DCAKD: variants seen among roughly 807,000 people sequenced by gnomAD.
DCAKD encodes dephospho-CoA kinase domain containing.
DCAKD carries 15 observed loss-of-function variants against 18.7 expected under a neutral mutation model. The ratio of observed to expected loss-of-function variants is 0.80; its 90% CI spans 0.54 to 1.24. The LOEUF is 1.24. Among genes scored for constraint, DCAKD ranks in the 50% most tolerant of loss-of-function variants. DCAKD has a pLI of 0.00. For missense variants in DCAKD, 301 were observed against 322.0 expected (o/e 0.93, Z 0.50); for synonymous variants, 130 against 133.0 (o/e 0.98, Z 0.16).
intron 3 of DCAKD, among the ~76,000 whole-genome samples, chr17:45,033,181 A>AAAAATAAAATAAAATAAAAT (rs10628158): frequency 6.6e-6 from 1 of 150,982 alleles, no homozygotes; most frequent in South Asian, 2.1e-4. Flanking sequence ...CCCCATCTCT[A>AAAAATAAAATAAAATAAAAT]AAAATAAAAT....
At chr17:45,037,789 CAG>C (rs1319209397) in intron 1 of DCAKD, among the ~76,000 whole-genome samples, 5 of 130,154 alleles carry the variant, frequency 3.8e-5, no homozygotes, top group Non-Finnish European at 6.4e-5. Context: ...TTTTTTGAGA[CAG>C]AGTCTCACTC....
Position 45,051,553 on chromosome 17 carries a change from C to G in DCAKD, c.-307G>C, listed in dbSNP as rs1318675977. ...CCGGCCCGCGTGGCGCGCTACGTAC[C>G]CAGCGCCTCCGCCGTGGCCCAGGCC... On this transcript the variant is annotated 5_prime_UTR_variant, in exon 1 of 5. Coordinates refer to ENST00000651974, the MANE Select transcript of DCAKD (RefSeq NM_001288655.2). The G allele has an allele frequency of 6.6e-6, 1 of 151,448 alleles. No homozygotes were observed. The highest frequency in any genetic ancestry group is 1.5e-5 in the Non-Finnish European group (1 of 67,830). 9.4% of individuals were successfully genotyped at this position (151,448 alleles called of 1,614,324 possible). A position where few individuals can be genotyped will look rare whatever the true frequency, so the allele number is the denominator to read the frequency against.
intron 1 of DCAKD, among the ~76,000 whole-genome samples, chr17:45,038,580 A>G (rs1045021937): frequency 6.6e-6 from 1 of 152,244 alleles, no homozygotes; most frequent in African/African-American, 2.4e-5. Context: ...AAATCGATTC[A>G]GAGCCAAAGA....
upstream of DCAKD, among the ~76,000 whole-genome samples, chr17:45,055,099 A>G (rs2053766832): frequency 6.6e-6 from 1 of 152,144 alleles, no homozygotes; most frequent in South Asian, 2.1e-4. Context: ...TGGAGTTTCC[A>G]TGTGATGCCA....
intron 2 of DCAKD, 101 bp downstream of exon 2, chr17:45,034,673 C>G: frequency 7.9e-7 from 1 of 1,269,592 alleles, no homozygotes; most frequent in Non-Finnish European, 1.1e-6. Context: ...CAACAGGAGC[C>G]TTCCCCTCCT....
intron 2 of DCAKD, 26 bp downstream of exon 2, chr17:45,034,748 C>T: frequency 6.2e-7 from 1 of 1,609,374 alleles, no homozygotes; most frequent in Non-Finnish European, 8.5e-7. Context: ...CTGTGCACGG[C>T]CCCCCAACCT....
chr17:45,032,008 G>A (rs889703350), intron 3 of DCAKD: 1 of 985,316 alleles, frequency 1.0e-6, no homozygotes, highest in African/African-American at 1.7e-5. Flanking sequence ...GGGGAGGCGG[G>A]AGGCTGGGTG....
upstream of DCAKD, among the ~76,000 whole-genome samples, chr17:45,055,247 A>G (rs2053768210): frequency 6.6e-6 from 1 of 152,194 alleles, no homozygotes; most frequent in Non-Finnish European, 1.5e-5. Context: ...CTGTGTCCTT[A>G]GCATTTAGCA....
At chr17:45,036,177 T>C (rs2053293613) in intron 1 of DCAKD, among the ~76,000 whole-genome samples, 1 of 152,170 alleles carries the variant, frequency 6.6e-6, no homozygotes, top group South Asian at 2.1e-4. Context: ...GCCGCTTGCC[T>C]CCCTGAACCT....
intron 1 of DCAKD, 101 bp from the exon 2 acceptor site, chr17:45,035,100 A>G: frequency 1.8e-6 from 1 of 548,656 alleles, no homozygotes; most frequent in Non-Finnish European, 3.3e-6. Context: ...GGGGAGGGAC[A>G]TGTCCTGAGC....
intron 4 of DCAKD, chr17:45,026,530 A>G: frequency 1.1e-6 from 1 of 908,304 alleles, no homozygotes; most frequent in Non-Finnish European, 1.3e-6. Flanking sequence ...TGGCTTTTTT[A>G]TTTTTAAATA....
intron 2 of DCAKD, 100 bp from the exon 3 acceptor site, chr17:45,034,490 T>C: frequency 7.2e-7 from 1 of 1,380,894 alleles, no homozygotes; most frequent in Non-Finnish European, 1.0e-6. Context: ...CTCGGGTGCT[T>C]CTTTCAGGTG....
chr17:45,039,501 G>C (rs1236928466), intron 1 of DCAKD, among the ~76,000 whole-genome samples: 9 of 152,222 alleles, frequency 5.9e-5, no homozygotes, highest in Admixed American at 5.9e-4. Flanking sequence ...GCTAGGCCCA[G>C]AACCATGGCT....
rs766601603 is a variant in DCAKD at position 45,034,306 on chromosome 17, C to T, written c.197G>A (p.Arg66His). 8.1e-6 allele frequency: 13 copies of T among 1,614,022 alleles called. No individual in the cohort carries two copies. The highest frequency in any genetic ancestry group is 5.0e-5 in the Admixed American group (3 of 60,008). ...EVLLENGDIN[R>H]KVLGDLIFNQ... Reference sequence around the variant, plus strand: ...AAAGATCAGGTCCCCCAGGACCTTGCGATTTATGTCGCCGTTCTCCAGCAA... The same window carrying T: ...AAAGATCAGGTCCCCCAGGACCTTGTGATTTATGTCGCCGTTCTCCAGCAA... Residue 66 changes from arginine (R) to histidine (H), a missense_variant, in exon 3 of 5, where the codon CGC becomes CAC. Transcript: ENST00000651974.
exon 1 of DCAKD, chr17:45,061,059 G>C (rs1003434682): frequency 8.9e-6 from 11 of 1,230,314 alleles, no homozygotes; most frequent in Non-Finnish European, 1.1e-5. Context: ...GGTTCCCAAG[G>C]GTCGGTCCCA....
intron 3 of DCAKD, chr17:45,033,944 T>C: frequency 6.5e-7 from 1 of 1,550,346 alleles, no homozygotes; most frequent in Non-Finnish European, 8.7e-7. Context: ...CTTCCTGGGC[T>C]CATGGCTCGA....
At chr17:45,043,400 G>A (rs191963454) in intron 1 of DCAKD, among the ~76,000 whole-genome samples, 56 of 152,302 alleles carry the variant, frequency 3.7e-4, no homozygotes, top group African/African-American at 1.3e-3. Context: ...CATTTGTAGT[G>A]TGATGGGTTA....
intron 1 of DCAKD, among the ~76,000 whole-genome samples, chr17:45,039,445 ACAGACACCCAGGCTC>A (rs1464100870): frequency 6.6e-6 from 1 of 152,238 alleles, no homozygotes; most frequent in African/African-American, 2.4e-5. Context: ...TACAAAAGGT[ACAGACACCCAGGCTC>A]CATCTACCCC....
intron 1 of DCAKD, among the ~76,000 whole-genome samples, chr17:45,056,852 C>A (rs769206168): frequency 9.2e-5 from 14 of 151,512 alleles, no homozygotes; most frequent in African/African-American, 3.4e-4. Flanking sequence ...ACTGCAAGCT[C>A]CGCCTCCCTG....
Sources: gnomAD v4.1 joint callset for allele counts (sites outside exome capture counted in the v4.1 genomes callset) on GRCh38, gnomAD v4.1.1 for gene constraint, MANE v1.5 for transcripts, NCBI Gene and HGNC (gene_info 2026-07-23, HGNC 2026-07-21) for gene names.